CTBP2: variants seen among roughly 807,000 people sequenced by gnomAD.
CTBP2 encodes the protein C-terminal-binding protein 2.
A neutral mutation model predicts 80.3 loss-of-function variants in CTBP2; 30 were observed. That is an observed-to-expected ratio of 0.37 (90% CI 0.28 to 0.51). The LOEUF is 0.51. CTBP2 is among the 20% of genes least tolerant of loss of function. The probability of loss-of-function intolerance (pLI) is 0.93; values close to 1 mark genes in which losing one functional copy is unlikely to be tolerated. For synonymous variants in CTBP2, 594 were observed against 587.4 expected (o/e 1.01, Z -0.16); for missense variants, 1,212 against 1,375.3 (o/e 0.88, Z 1.88).
intron 2 of CTBP2, among the ~76,000 whole-genome samples, chr10:125,064,511 G>C (rs542790586): frequency 6.6e-5 from 10 of 152,146 alleles, no homozygotes; most frequent in Admixed American, 5.2e-4. Flanking sequence ...CTCAAGGGAA[G>C]AGAGCCCCAA....
intron 3 of CTBP2, among the ~76,000 whole-genome samples, chr10:125,034,111 C>G (rs1480364241): frequency 6.6e-6 from 1 of 152,078 alleles, no homozygotes. Context: ...CCAAACTGAC[C>G]GGTGCAAAGA....
chr10:125,028,733 C>G (rs967437957), upstream of CTBP2, among the ~76,000 whole-genome samples: 3 of 152,348 alleles, frequency 2.0e-5, no homozygotes, highest in East Asian at 5.8e-4. Context: ...AAACCTTACA[C>G]TGCAAAGCAG....
chr10:125,125,185 A>G (rs907140777), intron 1 of CTBP2, among the ~76,000 whole-genome samples: 2 of 152,238 alleles, frequency 1.3e-5, no homozygotes, highest in South Asian at 4.1e-4. Flanking sequence ...TTGGCGGAGC[A>G]TCAACAGCCC....
intron 2 of CTBP2, among the ~76,000 whole-genome samples, chr10:125,083,382 C>A (rs1179700964): frequency 6.6e-6 from 1 of 152,190 alleles, no homozygotes; most frequent in African/African-American, 2.4e-5. Context: ...ATTCCACAGG[C>A]ACCACTGCTG....
rs1953221059 is a variant in CTBP2, at chr10:124,994,695, C to CA, written c.2186-13dup. On this transcript the variant is annotated splice_polypyrimidine_tract_variant and intron_variant, in intron 4 of 8. Coordinates refer to ENST00000309035, the MANE Select transcript of CTBP2 (RefSeq NM_022802.3). Reference sequence around the variant, plus strand: ...CTGCCCCGTGCGACCTGTACAGAAACAGAGCGTCCAGGTGAGTGAGTCCAC... The same window carrying CA: ...CTGCCCCGTGCGACCTGTACAGAAACAAGAGCGTCCAGGTGAGTGAGTCCAC... 2 of 1,613,866 alleles carry CA rather than the reference C, an allele frequency of 1.2e-6. No individual in the cohort carries two copies. The highest frequency in any genetic ancestry group is 2.7e-5 in the African/African-American group (2 of 74,932).
chr10:124,992,955 A>G, intron 7 of CTBP2, 143 bp from the exon 10 acceptor site: 1 of 833,110 alleles, frequency 1.2e-6, no homozygotes, highest in South Asian at 1.8e-5. Context: ...GAGCTCTTCA[A>G]CACTGACCTT....
intron 1 of CTBP2, among the ~76,000 whole-genome samples, chr10:125,115,902 G>T (rs934982696): frequency 1.2e-4 from 18 of 152,160 alleles, no homozygotes; most frequent in African/African-American, 4.1e-4. Context: ...TAGCAGGTCA[G>T]AGTAGTCTAC....
chr10:125,093,416 G>A (rs1040268590), intron 2 of CTBP2, among the ~76,000 whole-genome samples: 2 of 152,186 alleles, frequency 1.3e-5, no homozygotes, highest in Non-Finnish European at 2.9e-5. Flanking sequence ...GAAAACCACT[G>A]CAGCAGGTCC....
At chr10:125,060,514 C>T (rs926268482) in intron 2 of CTBP2, among the ~76,000 whole-genome samples, 11 of 146,868 alleles carry the variant, frequency 7.5e-5, no homozygotes, top group African/African-American at 2.5e-4. Context: ...ATGTGTGTGT[C>T]TGTTGCGGCT....
At position 124,994,653 on chromosome 10, in the gene CTBP2, G is replaced by A. The variant is rs1163110103; in HGVS notation, c.2216C>T (p.Ala739Val). ...TATGACGCTGAATCCAAAGGCCTTG[G>A]CTCGAACTGCAACCGCCTGCCCCGT... Residue 739 changes from alanine to valine, a missense_variant, in exon 5 of 9, where the codon GCC (alanine) becomes GTC (valine). Around this residue, in one of 3 missense-constraint regions of CTBP2, gnomAD observed 335 missense variants for 504.7 expected, o/e 0.66. Transcript: ENST00000309035. 3 of 1,614,176 alleles carry A rather than the reference G, an allele frequency of 1.9e-6. No individual in the cohort carries two copies. Among genetic ancestry groups the A allele is most frequent in the East Asian group, 2.2e-5 (1 of 44,870 alleles).
intron 1 of CTBP2, among the ~76,000 whole-genome samples, chr10:125,143,562 C>T (rs2133299060): frequency 6.6e-6 from 1 of 152,312 alleles, no homozygotes; most frequent in African/African-American, 2.4e-5. Context: ...TATTGTATAC[C>T]TATTTTTATT....
chr10:125,098,367 C>T (rs1849878552), intron 2 of CTBP2, among the ~76,000 whole-genome samples: 1 of 152,106 alleles, frequency 6.6e-6, no homozygotes. Context: ...ATGACACCCA[C>T]ATACACTAGC....
chr10:125,002,828 G>A, intron 3 of CTBP2, 132 bp downstream of exon 5: 2 of 1,127,096 alleles, frequency 1.8e-6, no homozygotes, highest in Admixed American at 2.2e-5. Context: ...GCCCGGCCTG[G>A]AGGCAGCCAC....
chr10:125,024,103 C>T (rs937300307), intron 1 of CTBP2, among the ~76,000 whole-genome samples: 6 of 152,198 alleles, frequency 3.9e-5, no homozygotes, highest in Non-Finnish European at 5.9e-5. Flanking sequence ...ACACACACAC[C>T]GTCTACTTTC....
chr10:124,984,655 G>A lies in CTBP2; in HGVS notation c.*4863C>T. 1.0e-6 allele frequency: 1 copy of A among 996,354 alleles called. No homozygotes were observed. The highest frequency in any genetic ancestry group is 1.5e-6 in the Non-Finnish European group (1 of 685,504). 61.7% of individuals were successfully genotyped at this position (996,354 alleles called of 1,614,324 possible). A position where few individuals can be genotyped will look rare whatever the true frequency, so the allele number is the denominator to read the frequency against. On this transcript the variant is annotated 3_prime_UTR_variant, in exon 9 of 9. Transcript: ENST00000309035. ...CCAAGAGGTCAAAACCATGTGAAAAGTTGATTGCTTTGGCCTTTTCATGAG... is the reference window on the plus strand; with the variant it reads ...CCAAGAGGTCAAAACCATGTGAAAAATTGATTGCTTTGGCCTTTTCATGAG...
intron 2 of CTBP2, among the ~76,000 whole-genome samples, chr10:125,110,133 C>T (rs920884730): frequency 2.0e-5 from 3 of 152,194 alleles, no homozygotes; most frequent in African/African-American, 7.2e-5. Context: ...CTCTGGGAAC[C>T]AAAGCTAGTC....
chr10:125,046,109 A>ACC (rs35665159), intron 2 of CTBP2, among the ~76,000 whole-genome samples: 1 of 152,060 alleles, frequency 6.6e-6, no homozygotes, highest in South Asian at 2.1e-4. Flanking sequence ...ATTACGGTGT[A>ACC]CCCCCCAAAT....
At chr10:125,150,223 G>C (rs74163353) in intron 1 of CTBP2, among the ~76,000 whole-genome samples, 13,856 of 152,252 alleles carry the variant, frequency 0.091, 768 homozygotes, top group Middle Eastern at 0.14. Context: ...GAGGGAGATG[G>C]GGGGTGGAGG....
intron 1 of CTBP2, chr10:125,159,972 T>TTC (rs1861659858): frequency 6.7e-6 from 1 of 149,484 alleles, no homozygotes; most frequent in Admixed American, 6.7e-5. Context: ...TTTTTTTTTT[T>TTC]TCAACCCTGA....
Sources: allele counts gnomAD v4.1 joint callset (sites outside exome capture counted in the v4.1 genomes callset), GRCh38; gene constraint gnomAD v4.1.1; regional missense constraint gnomAD v4.1.1; transcripts MANE v1.5; gene names NCBI Gene and HGNC (gene_info 2026-07-23, HGNC 2026-07-21).